Variants in PPP2R2B observed in about 807,000 individuals in gnomAD.
PPP2R2B encodes the protein protein phosphatase 2 regulatory subunit Bbeta.
A neutral mutation model predicts 46.0 loss-of-function variants in PPP2R2B; 5 were observed. The observed-to-expected ratio is 0.11, with a 90% CI of 0.06 to 0.23. PPP2R2B has a LOEUF of 0.23. PPP2R2B is among the 10% of genes least tolerant of loss of function. The probability of loss-of-function intolerance (pLI) is 1.00; values close to 1 mark genes in which losing one functional copy is unlikely to be tolerated. For synonymous variants in PPP2R2B, 215 were observed against 206.7 expected, an observed-to-expected ratio of 1.04 and a Z score of -0.34; for missense variants, 367 against 575.0, an observed-to-expected ratio of 0.64 and a Z score of 3.70.
At chr5:146,879,975 A>T (rs545601816), upstream of PPP2R2B, among the ~76,000 whole-genome samples, 2 of 152,234 alleles carry the variant, frequency 1.3e-5, no homozygotes, top group African/African-American at 4.8e-5. Flanking sequence ...TATACATACA[A>T]TGCTTCGGCT....
intron 2 of PPP2R2B, among the ~76,000 whole-genome samples, chr5:146,804,395 G>A (rs138878197): frequency 1.4e-3 from 217 of 152,156 alleles, no homozygotes; most frequent in African/African-American, 4.6e-3. Flanking sequence ...TGGCAGACCC[G>A]GGACTGGAAC....
At chr5:146,657,252 A>C (rs576397618) in intron 5 of PPP2R2B, among the ~76,000 whole-genome samples, 1 of 152,330 alleles carries the variant, frequency 6.6e-6, no homozygotes, top group South Asian at 2.1e-4. Flanking sequence ...TTCACAGAGA[A>C]AAAACAACAG....
At chr5:147,018,016 G>C (rs1286596564) in intron 1 of PPP2R2B, among the ~76,000 whole-genome samples, 2 of 148,150 alleles carry the variant, frequency 1.3e-5, no homozygotes, top group Non-Finnish European at 3.0e-5. Context: ...ATGAATTATA[G>C]TCTACGACAC....
At chr5:146,647,994 C>A (rs1775698521) in intron 6 of PPP2R2B, among the ~76,000 whole-genome samples, 2 of 152,190 alleles carry the variant, frequency 1.3e-5, no homozygotes, top group East Asian at 1.9e-4. Flanking sequence ...ATTAAAGCTG[C>A]CTTCCCTGAA....
chr5:146,692,341 CA>C (rs1402677923), intron 4 of PPP2R2B, among the ~76,000 whole-genome samples: 37 of 152,078 alleles, frequency 2.4e-4, no homozygotes, highest in African/African-American at 6.0e-4. Context: ...ACTGCCCCAG[CA>C]CTTTTTACAA....
intron 3 of PPP2R2B, among the ~76,000 whole-genome samples, chr5:146,698,699 T>TCATTAAATG (rs1779357222): frequency 6.6e-6 from 1 of 151,510 alleles, no homozygotes; most frequent in Non-Finnish European, 1.5e-5. Context: ...TTTCCCTAGG[T>TCATTAAATG]CTCACAGCTC....
chr5:146,686,254 C>G (rs1206316635), intron 5 of PPP2R2B, among the ~76,000 whole-genome samples: 1 of 152,142 alleles, frequency 6.6e-6, no homozygotes, highest in Non-Finnish European at 1.5e-5. Flanking sequence ...TTTCATGGAG[C>G]TTACAGTTTA....
intron 1 of PPP2R2B, among the ~76,000 whole-genome samples, chr5:146,933,448 T>C (rs1276851312): frequency 6.6e-6 from 1 of 152,058 alleles, no homozygotes; most frequent in African/African-American, 2.4e-5. Context: ...ATTCCCATTC[T>C]CTCTCAGATA....
intron 2 of PPP2R2B, among the ~76,000 whole-genome samples, chr5:146,806,636 G>T (rs1050019279): frequency 1.3e-5 from 2 of 152,196 alleles, no homozygotes; most frequent in African/African-American, 4.8e-5. Context: ...AAGCAACAGA[G>T]GTGCTGTGAT....
At chr5:146,641,827 A>C (rs1440955533) in intron 6 of PPP2R2B, among the ~76,000 whole-genome samples, 2 of 152,154 alleles carry the variant, frequency 1.3e-5, no homozygotes, top group Non-Finnish European at 2.9e-5. Context: ...TTGAAAATGG[A>C]ATGATGCATT....
At chr5:146,811,633 T>C (rs2151319722) in intron 2 of PPP2R2B, among the ~76,000 whole-genome samples, 1 of 145,086 alleles carries the variant, frequency 6.9e-6, no homozygotes, top group South Asian at 2.3e-4. Flanking sequence ...CGATCTCGGC[T>C]CACTGCAACC....
intron 2 of PPP2R2B, among the ~76,000 whole-genome samples, chr5:147,068,243 C>CA (rs571960918): frequency 4.9e-4 from 74 of 152,234 alleles, no homozygotes; most frequent in African/African-American, 1.7e-3. Flanking sequence ...ATCCTCCTGA[C>CA]AAGCCTATGA....
chr5:146,764,800 C>CGAGAGAGAGAGAGAGAGAGA (rs67810307), intron 2 of PPP2R2B, among the ~76,000 whole-genome samples: 3 of 149,826 alleles, frequency 2.0e-5, no homozygotes, highest in African/African-American at 7.4e-5. Flanking sequence ...ATCTCTATCC[C>CGAGAGAGAGAGAGAGAGAGA]GAGAGAGAGA....
At chr5:146,700,234 T>A (rs1193434868) in intron 3 of PPP2R2B, among the ~76,000 whole-genome samples, 5 of 152,148 alleles carry the variant, frequency 3.3e-5, no homozygotes, top group East Asian at 1.9e-4. Flanking sequence ...CCGGTGAATC[T>A]CAGAGGCAGG....
At chr5:147,052,014 G>A (rs1756851281) in intron 1 of PPP2R2B, among the ~76,000 whole-genome samples, 1 of 151,964 alleles carries the variant, frequency 6.6e-6, no homozygotes, top group South Asian at 2.1e-4. Context: ...CTACCAAGGG[G>A]AAGGAGTTAT....
At chr5:146,693,293 C>T (rs1778988745) in intron 4 of PPP2R2B, among the ~76,000 whole-genome samples, 1 of 152,070 alleles carries the variant, frequency 6.6e-6, no homozygotes, top group Non-Finnish European at 1.5e-5. Flanking sequence ...TGGTTCACTG[C>T]AGCCTTGTCT....
intron 2 of PPP2R2B, among the ~76,000 whole-genome samples, chr5:146,701,682 G>GC (rs1242947146): frequency 6.6e-6 from 1 of 152,200 alleles, no homozygotes; most frequent in African/African-American, 2.4e-5. Context: ...GAATGCTCCA[G>GC]CTTGGCCCGT....
At chr5:146,913,214 T>C (rs575405260) in intron 1 of PPP2R2B, among the ~76,000 whole-genome samples, 1 of 152,286 alleles carries the variant, frequency 6.6e-6, no homozygotes, top group South Asian at 2.1e-4. Context: ...CAGTGCCAAA[T>C]AAATGTTTGT....
intron 1 of PPP2R2B, among the ~76,000 whole-genome samples, chr5:147,002,592 C>G (rs1754229040): frequency 6.7e-6 from 1 of 149,234 alleles, no homozygotes; most frequent in African/African-American, 2.6e-5. Flanking sequence ...GGAGGACAGG[C>G]AAGGGTGCAG....
Sources: allele counts gnomAD v4.1 joint callset (sites outside exome capture counted in the v4.1 genomes callset), GRCh38; gene constraint gnomAD v4.1.1; transcripts MANE v1.5; gene names NCBI Gene and HGNC (gene_info 2026-07-23, HGNC 2026-07-21).